Variants in BICD1 observed in about 807,000 individuals in gnomAD.
The protein encoded by BICD1 is BICD cargo adaptor 1.
BICD1 carries 35 observed loss-of-function variants against 92.5 expected under a neutral mutation model. The ratio of observed to expected loss-of-function variants is 0.38; its 90% CI spans 0.29 to 0.50. The LOEUF is 0.50. Ranked by LOEUF, BICD1 falls within the 20% of genes least tolerant of loss-of-function variation. BICD1 has a pLI of 0.93. For synonymous variants in BICD1, 429 were observed against 465.1 expected (o/e 0.92, Z 1.00); for missense variants, 950 against 1,189.8 (o/e 0.80, Z 2.97).
At chr12:32,323,892 CT>C (rs1486451346) in intron 4 of BICD1, among the ~76,000 whole-genome samples, 1 of 152,148 alleles carries the variant, frequency 6.6e-6, no homozygotes, top group Non-Finnish European at 1.5e-5. Flanking sequence ...TAAAAAGTCT[CT>C]TACTGTTGGT....
At chr12:32,273,300 ACAGAGT>A (rs1947189710) in intron 2 of BICD1, among the ~76,000 whole-genome samples, 1 of 152,220 alleles carries the variant, frequency 6.6e-6, no homozygotes, top group African/African-American at 2.4e-5. Context: ...GAGTAGTGAC[ACAGAGT>A]CAGATCATTG....
At chr12:32,351,896 G>A (rs1235930714) in intron 8 of BICD1, among the ~76,000 whole-genome samples, 7 of 149,306 alleles carry the variant, frequency 4.7e-5, no homozygotes, top group Non-Finnish European at 5.9e-5. Flanking sequence ...ACTACAGAGC[G>A]AGACTCTGTC....
chr12:32,243,264 A>T (rs1343906283), intron 2 of BICD1, among the ~76,000 whole-genome samples: 5 of 74,030 alleles, frequency 6.8e-5, no homozygotes, highest in Admixed American at 1.7e-4. Context: ...TGCCTGGCTA[A>T]TTTTTTTTTT....
chr12:32,373,699 C>T (rs1386253892), intron 9 of BICD1, among the ~76,000 whole-genome samples: 15 of 144,860 alleles, frequency 1.0e-4, no homozygotes, highest in African/African-American at 3.8e-4. Context: ...AGTGAAACCC[C>T]GTCTCTACTA....
At chr12:32,228,434 A>G (rs1420581107) in intron 2 of BICD1, among the ~76,000 whole-genome samples, 2 of 152,180 alleles carry the variant, frequency 1.3e-5, no homozygotes, top group Non-Finnish European at 2.9e-5. Context: ...TCAGAGAGGT[A>G]ACAGGAAGCC....
chr12:32,180,811 G>T (rs1449809218), intron 1 of BICD1, among the ~76,000 whole-genome samples: 3 of 151,878 alleles, frequency 2.0e-5, no homozygotes, highest in African/African-American at 7.2e-5. Context: ...ACCCTGTGAT[G>T]ATGTTATTCA....
chr12:32,168,552 G>A (rs973058584), intron 1 of BICD1, among the ~76,000 whole-genome samples: 1 of 152,176 alleles, frequency 6.6e-6, no homozygotes, highest in African/African-American at 2.4e-5. Context: ...TCCTAACAGC[G>A]GTCGATCACT....
At chr12:32,301,487 AG>A (rs895765673) in intron 3 of BICD1, among the ~76,000 whole-genome samples, 9 of 152,110 alleles carry the variant, frequency 5.9e-5, no homozygotes, top group African/African-American at 1.9e-4. Flanking sequence ...GTAAACAAAA[AG>A]TAGAGGCCGA....
chr12:32,108,031 A>C (rs1409782724), intron 1 of BICD1: 1 of 315,876 alleles, frequency 3.2e-6, no homozygotes, highest in Non-Finnish European at 6.1e-6. Context: ...CTCCTCACCA[A>C]TCCCATTTGA....
In BICD1 at chr12:32,225,621, G is replaced by GTTTTTGTTTTTTT. The variant is rs1411722126; in HGVS notation, c.426+9167_426+9168insGTTTTTTTTTTTT. On this transcript the variant is annotated intron_variant, in intron 2 of 9. Coordinates refer to ENST00000652176, the MANE Select transcript of BICD1 (RefSeq NM_001714.4). The stretch of plus-strand genomic sequence containing the variant: ...TGGTATTTGACAGTTCTTTTTTTCT[G>GTTTTTGTTTTTTT]TTTTTTTTTTTTTTTTTTTTAGACG... Among the ~76,000 whole-genome samples the GTTTTTGTTTTTTT allele has an allele frequency of 9.7e-3, 898 of 92,768 alleles. 53 individuals carry two copies. Among genetic ancestry groups the GTTTTTGTTTTTTT allele is most frequent in the South Asian group, 0.026 (52 of 2,018 alleles). The allele number at this position is 92,768 out of a possible 152,430, so 60.9% of individuals were successfully genotyped here. A position where few individuals can be genotyped will look rare whatever the true frequency, so the allele number is the denominator to read the frequency against.
chr12:32,359,088 C>T (rs927640933), intron 8 of BICD1, among the ~76,000 whole-genome samples: 1 of 152,178 alleles, frequency 6.6e-6, no homozygotes, highest in African/African-American at 2.4e-5. Flanking sequence ...TGATCATTAA[C>T]CATGGCGTGT....
chr12:32,199,525 G>A (rs759470767), intron 1 of BICD1, among the ~76,000 whole-genome samples: 2 of 152,150 alleles, frequency 1.3e-5, no homozygotes, highest in Non-Finnish European at 2.9e-5. Context: ...TGGTTATGGG[G>A]GGAAGGCCTG....
intron 2 of BICD1, among the ~76,000 whole-genome samples, chr12:32,253,165 G>T (rs1946613022): frequency 6.6e-6 from 1 of 152,182 alleles, no homozygotes. Context: ...TTACAGGTGT[G>T]AGTCATCGTG....
chr12:32,277,626 T>C (rs1947311104), intron 2 of BICD1, among the ~76,000 whole-genome samples: 1 of 152,212 alleles, frequency 6.6e-6, no homozygotes, highest in Admixed American at 6.5e-5. Flanking sequence ...CTTCAAAGAC[T>C]CTGGATCAGA....
Position 32,382,351 on chromosome 12 carries a change from G to A in BICD1, c.*4724G>A, listed in dbSNP as rs181872289. The A allele has an allele frequency of 3.2e-4, 48 of 152,218 alleles. No individual in the cohort carries two copies. Among genetic ancestry groups the A allele is most frequent in the African/African-American group, 1.1e-3 (45 of 41,572 alleles). 9.4% of individuals were successfully genotyped at this position (152,218 alleles called of 1,614,324 possible). A position where few individuals can be genotyped will look rare whatever the true frequency, so the allele number is the denominator to read the frequency against. ...AATTAACTGCCTTTAGTGTAAGGGC[G>A]AGAGTGCATAGAAATATGCAATGTA... On this transcript the variant is annotated 3_prime_UTR_variant, in exon 10 of 10. Coordinates refer to ENST00000652176, the MANE Select transcript of BICD1 (RefSeq NM_001714.4).
chr12:32,253,275 A>C (rs941609507), intron 2 of BICD1, among the ~76,000 whole-genome samples: 10 of 152,148 alleles, frequency 6.6e-5, no homozygotes, highest in African/African-American at 2.2e-4. Flanking sequence ...TACATTATTA[A>C]TAATGCCAGG....
At position 32,224,417 on chromosome 12, in the gene BICD1, C is replaced by G. The variant is rs539088250; in HGVS notation, c.426+7958C>G. ...ACTACGTTCATTATTGCATTTAATT[C>G]TCTCAACAAACTTGCAGCGCATATG... On this transcript the variant is annotated intron_variant, in intron 2 of 9. Coordinates refer to ENST00000652176, the MANE Select transcript of BICD1 (RefSeq NM_001714.4). Among the ~76,000 whole-genome samples, 34 of 152,358 alleles carry G rather than the reference C, an allele frequency of 2.2e-4. No individual in the cohort carries two copies. The South Asian group carries it at 4.4e-3, about 20-fold the overall frequency.
intron 1 of BICD1, among the ~76,000 whole-genome samples, chr12:32,138,944 A>G (rs746128686): frequency 2.0e-5 from 3 of 152,186 alleles, no homozygotes; most frequent in Non-Finnish European, 4.4e-5. Context: ...GTACATTCTT[A>G]CATAAGATTG....
At chr12:32,254,094 C>T (rs1012275728) in intron 2 of BICD1, among the ~76,000 whole-genome samples, 13 of 130,482 alleles carry the variant, frequency 1.0e-4, no homozygotes, top group Non-Finnish European at 4.8e-5. Context: ...CCATATTCCA[C>T]GTCATATTCA....
Sources: gnomAD v4.1 joint callset for allele counts (sites outside exome capture counted in the v4.1 genomes callset) on GRCh38, gnomAD v4.1.1 for gene constraint, MANE v1.5 for transcripts, NCBI Gene and HGNC (gene_info 2026-07-23, HGNC 2026-07-21) for gene names.